The following RGS7 variants were observed in gnomAD, a reference collection of about 807,000 sequenced individuals.
The protein encoded by RGS7 is regulator of G-protein signaling 7.
Under a neutral mutation model 81.1 loss-of-function variants are expected in RGS7, and 27 were observed. The ratio of observed to expected loss-of-function variants is 0.33; its 90% CI spans 0.25 to 0.46. The LOEUF (loss-of-function observed/expected upper bound fraction) is 0.46, where lower values mean the gene tolerates loss of function less well. RGS7 is among the 20% of genes least tolerant of loss of function. The pLI, the probability that RGS7 is intolerant of heterozygous loss-of-function variation, is 1.00. For missense variants in RGS7, 396 were observed against 607.4 expected (o/e 0.65, Z 3.66); for synonymous variants, 208 against 207.7 (o/e 1.00, Z -0.01).
At chr1:241,073,905 CTTTTTTT>C in intron 3 of RGS7, among the ~76,000 whole-genome samples, 1 of 141,612 alleles carries the variant, frequency 7.1e-6, no homozygotes, top group Non-Finnish European at 1.5e-5. Context: ...CTCTTCGTTC[CTTTTTTT>C]TTTTTTTTGA....
At chr1:241,110,694 C>G (rs1425683318) in intron 2 of RGS7, among the ~76,000 whole-genome samples, 1 of 139,988 alleles carries the variant, frequency 7.1e-6, no homozygotes, top group Admixed American at 7.2e-5. Context: ...CTCACTCACT[C>G]TTTTTTTTTT....
chr1:241,103,666 G>A (rs926281605), intron 2 of RGS7, among the ~76,000 whole-genome samples: 1 of 152,058 alleles, frequency 6.6e-6, no homozygotes, highest in African/African-American at 2.4e-5. Flanking sequence ...GAGCTCAGGA[G>A]TTTGAGACCA....
intron 9 of RGS7, among the ~76,000 whole-genome samples, chr1:240,864,931 T>C (rs1313705592): frequency 1.3e-5 from 2 of 152,174 alleles, no homozygotes; most frequent in Non-Finnish European, 2.9e-5. Context: ...GGAGCTGCAT[T>C]TGCATTATCT....
chr1:241,130,358 A>G (rs1252124392), intron 2 of RGS7, among the ~76,000 whole-genome samples: 2 of 151,192 alleles, frequency 1.3e-5, no homozygotes, highest in Admixed American at 1.3e-4. Context: ...AAAAAAAAAC[A>G]CTAGGCTCTG....
chr1:241,068,238 GTA>G (rs1553407877), intron 3 of RGS7, among the ~76,000 whole-genome samples: 11 of 35,672 alleles, frequency 3.1e-4, no homozygotes, highest in Middle Eastern at 0.015. Flanking sequence ...GTGTGTGTGT[GTA>G]TATATATATA....
intron 3 of RGS7, among the ~76,000 whole-genome samples, chr1:241,010,777 G>T (rs2148661009): frequency 6.6e-6 from 1 of 152,182 alleles, no homozygotes; most frequent in African/African-American, 2.4e-5. Flanking sequence ...GTCGCGTCTG[G>T]GAATCACAGC....
At chr1:240,802,309 T>A (rs532244580) in intron 16 of RGS7, among the ~76,000 whole-genome samples, 11 of 152,298 alleles carry the variant, frequency 7.2e-5, no homozygotes, top group South Asian at 2.1e-4. Context: ...AGAGAGACAT[T>A]GATTATTAAC....
chr1:240,812,172 A>C, intron 13 of RGS7, 129 bp from the exon 14 acceptor site: 1 of 908,356 alleles, frequency 1.1e-6, no homozygotes, highest in Non-Finnish European at 1.7e-6. Context: ...AAAAATATAT[A>C]TATCCGATTA....
chr1:241,057,052 G>T (rs891672601), intron 3 of RGS7, among the ~76,000 whole-genome samples: 5 of 144,640 alleles, frequency 3.5e-5, no homozygotes, highest in Non-Finnish European at 7.8e-5. Context: ...TTATTTCCAA[G>T]ACTTTTTTTT....
rs1680724255 is a variant in RGS7 at position 240,957,942 on chromosome 1, CG to C, written c.227-21237del. On this transcript the variant is annotated intron_variant, in intron 4 of 18. Transcript: ENST00000440928. ...ACACATAGGATGAAGAAGCCAGAGA[CG>C]ATTTTACAGACCCAGTGACCCTTCT... is the stretch of plus-strand genomic sequence containing the variant. Among the ~76,000 whole-genome samples the C allele has an allele frequency of 2.0e-5, 3 of 152,132 alleles. No homozygotes were observed. The South Asian group carries it at 6.2e-4, about 32-fold the overall frequency.
At chr1:240,895,973 C>T (rs1572647959) in intron 6 of RGS7, among the ~76,000 whole-genome samples, 2 of 152,188 alleles carry the variant, frequency 1.3e-5, no homozygotes, top group African/African-American at 2.4e-5. Flanking sequence ...TCTTAATGAT[C>T]GCCATTCTAA....
At chr1:240,785,943 G>T (rs1174334293) in intron 18 of RGS7, among the ~76,000 whole-genome samples, 1 of 152,196 alleles carries the variant, frequency 6.6e-6, no homozygotes, top group African/African-American at 2.4e-5. Flanking sequence ...AGATGGCAAG[G>T]ACAAGAGGAA....
rs58714151 is a variant in RGS7 at position 241,192,159 on chromosome 1, G to GGTGTGTGTGTGTGTGTGT, written c.79-93415_79-93398dup. Among the ~76,000 whole-genome samples, 493 of 121,982 alleles carry GGTGTGTGTGTGTGTGTGT rather than the reference G, an allele frequency of 4.0e-3. 1 individual carries two copies. The highest frequency in any genetic ancestry group is 5.7e-3 in the Non-Finnish European group (342 of 60,342). The allele number at this position is 121,982 out of a possible 152,430, so 80.0% of individuals were successfully genotyped here. Reference sequence around the variant, plus strand: ...CCTGATCATTTGGCTAGAGAAAACAGGTGTGTGTGTGTGTGTGTGTGTGTG... The same window carrying GGTGTGTGTGTGTGTGTGT: ...CCTGATCATTTGGCTAGAGAAAACAGGTGTGTGTGTGTGTGTGTGTGTGTGTGTGTGTGTGTGTGTGTG... On this transcript the variant is annotated intron_variant, in intron 2 of 18. Coordinates refer to ENST00000440928, the MANE Select transcript of RGS7 (RefSeq NM_001364886.1).
intron 3 of RGS7, among the ~76,000 whole-genome samples, chr1:241,097,006 A>T (rs2064301302): frequency 6.6e-6 from 1 of 152,044 alleles, no homozygotes. Context: ...GCGTGTTTAG[A>T]TGTGGAGTTA....
chr1:241,065,176 T>C (rs1572517724), intron 3 of RGS7, among the ~76,000 whole-genome samples: 1 of 148,304 alleles, frequency 6.7e-6, no homozygotes, highest in East Asian at 2.0e-4. Flanking sequence ...AAAATAATGA[T>C]AAGATAATCA....
In RGS7 at chr1:241,047,792, T is replaced by G. The variant is rs191746194; in HGVS notation, c.175+50874A>C. Among the ~76,000 whole-genome samples, 230 of 139,682 alleles carry G rather than the reference T, an allele frequency of 1.6e-3. 1 individual carries two copies. The highest frequency in any genetic ancestry group is 5.9e-3 in the African/African-American group (216 of 36,506). 91.6% of individuals were successfully genotyped at this position (139,682 alleles called of 152,430 possible). ...TCTTGCTCTGTTGCCCAGGCTGGAG[T>G]GCAGTGGCGTGATCTCAGCTCACTG... On this transcript the variant is annotated intron_variant, in intron 3 of 18. Coordinates refer to ENST00000440928, the MANE Select transcript of RGS7 (RefSeq NM_001364886.1).
chr1:241,265,579 G>A (rs1191068104), intron 2 of RGS7, among the ~76,000 whole-genome samples: 1 of 152,106 alleles, frequency 6.6e-6, no homozygotes, highest in Non-Finnish European at 1.5e-5. Flanking sequence ...GGGCTCCAAA[G>A]TTTACATAGG....
At chr1:240,805,714 T>C (rs35291717) in intron 15 of RGS7, among the ~76,000 whole-genome samples, 9,411 of 152,258 alleles carry the variant, frequency 0.062, 345 homozygotes, top group South Asian at 0.084. Context: ...GAATAATTTA[T>C]AATAATGAAT....
At chr1:240,908,364 T>A (rs1422886047) in intron 6 of RGS7, among the ~76,000 whole-genome samples, 1 of 151,744 alleles carries the variant, frequency 6.6e-6, no homozygotes, top group Non-Finnish European at 1.5e-5. Context: ...TAAATTAAAT[T>A]AAAAAAAGAA....
Sources: allele counts gnomAD v4.1 joint callset (sites outside exome capture counted in the v4.1 genomes callset), GRCh38; gene constraint gnomAD v4.1.1; transcripts MANE v1.5; gene names NCBI Gene and HGNC (gene_info 2026-07-23, HGNC 2026-07-21).